Variants in PZP observed in about 807,000 individuals in gnomAD.
PZP encodes the protein PZP alpha-2-macroglobulin like.
In PZP, 150 loss-of-function variants were observed where a neutral mutation model predicts 179.8. That is an observed-to-expected ratio of 0.83 (90% CI 0.73 to 0.96). PZP has a LOEUF of 0.96. Ranked by LOEUF, PZP falls within the 40% of genes least tolerant of loss-of-function variation. PZP has a pLI of 0.00. For missense variants in PZP, 1,689 were observed against 1,764.0 expected (o/e 0.96, Z 0.76); for synonymous variants, 624 against 652.3 (o/e 0.96, Z 0.66).
chr12:9,166,146 T>A lies in PZP; in HGVS notation c.2164A>T (p.Ile722Leu). The change falls in exon 18 of 36, where the codon ATA becomes TTA. Residue 722 changes from isoleucine to leucine, a missense_variant. Physicochemically the swap from Ile to Leu is conservative, Grantham distance 5 (BLOSUM62 2). This residue lies in a region of PZP where 201 missense variants were observed against 284.2 expected (regional missense o/e 0.71). Transcript: ENST00000261336. The stretch of plus-strand genomic sequence containing the variant: ...GAACTTTGTTCATTATTTAAGGGTA[T>A]CACATTATATGTGCCTAATTGAGGA... ...YVPQLGTYNV[I>L]PLNNEQSSGP... The A allele has an allele frequency of 6.2e-7, 1 of 1,614,008 alleles. No homozygotes were observed. Among genetic ancestry groups the A allele is most frequent in the Non-Finnish European group, 8.5e-7 (1 of 1,179,950 alleles).
chr12:9,171,718 G>C (rs1942015067), intron 15 of PZP, among the ~76,000 whole-genome samples: 1 of 152,166 alleles, frequency 6.6e-6, no homozygotes, highest in Non-Finnish European at 1.5e-5. Flanking sequence ...TAGCAGGATA[G>C]ACCAAGAGGA....
chr12:9,178,055 G>A (rs765561542), intron 15 of PZP, among the ~76,000 whole-genome samples: 4 of 152,280 alleles, frequency 2.6e-5, no homozygotes, highest in Non-Finnish European at 4.4e-5. Context: ...ATTACGCTAT[G>A]AGGAGATATT....
At chr12:9,177,001 T>A (rs1324749399) in intron 15 of PZP, among the ~76,000 whole-genome samples, 1 of 152,182 alleles carries the variant, frequency 6.6e-6, no homozygotes, top group Non-Finnish European at 1.5e-5. Context: ...ATCGAGTATA[T>A]TTTACATGTG....
intron 1 of PZP, among the ~76,000 whole-genome samples, chr12:9,207,163 G>A (rs745609897): frequency 2.0e-5 from 3 of 152,278 alleles, no homozygotes; most frequent in Admixed American, 6.5e-5. Context: ...ATGGATAAGG[G>A]TAACACACAG....
At chr12:9,195,195 G>A (rs1336007129) in intron 10 of PZP, among the ~76,000 whole-genome samples, 1 of 151,886 alleles carries the variant, frequency 6.6e-6, no homozygotes, top group Non-Finnish European at 1.5e-5. Flanking sequence ...ATAATCACAT[G>A]TACTCCCCAA....
Position 9,203,910 on chromosome 12 carries a change from G to T in PZP, c.125C>A (p.Ala42Asp), listed in dbSNP as rs199980648. Residue 42 changes from alanine (A) to aspartate (D), a missense_variant, in exon 2 of 36, where the codon GCC becomes GAC. By Grantham distance (126) the Ala-to-Asp change is moderately radical. Around this residue, in one of 3 missense-constraint regions of PZP, gnomAD observed 742 missense variants for 730.5 expected, o/e 1.02. Coordinates refer to ENST00000261336, the MANE Select transcript of PZP (RefSeq NM_002864.3). ...CAGAAGGACACAGCCCTTCTTAGGG[G>T]CCTCAGTGTGGAGCAGGGAGGGGAC... is the stretch of plus-strand genomic sequence containing the variant. ...VLVPSLLHTE[A>D]PKKGCVLLSH... 4.3e-6 allele frequency: 7 copies of T among 1,614,072 alleles called. No individual in the cohort carries two copies. The African/African-American group carries it at 6.7e-5, about 15-fold the overall frequency.
chr12:9,144,564 A>C (rs1054488770), downstream of PZP, among the ~76,000 whole-genome samples: 28 of 152,230 alleles, frequency 1.8e-4, no homozygotes, highest in Admixed American at 1.6e-3. Context: ...GTGGCTCAAC[A>C]GTCAAAGACA....
chr12:9,194,239 C>G lies in PZP; in HGVS notation c.1093-1G>C. ...CACCTTTTCCATCCACCAGAAGCAC[C>G]TAAAGAAGAAAAGTACTTGATAGTT... On this transcript the variant is annotated splice_acceptor_variant, in intron 10 of 35. Coordinates refer to ENST00000261336, the MANE Select transcript of PZP (RefSeq NM_002864.3). LOFTEE classifies it high-confidence loss of function. The G allele has an allele frequency of 6.2e-7, 1 of 1,613,376 alleles. No homozygotes were observed. Among genetic ancestry groups the G allele is most frequent in the Non-Finnish European group, 8.5e-7 (1 of 1,179,608 alleles).
intron 17 of PZP, among the ~76,000 whole-genome samples, chr12:9,167,751 G>T (rs1460304077): frequency 6.6e-6 from 1 of 151,986 alleles, no homozygotes; most frequent in Admixed American, 6.5e-5. Context: ...TTTCCTGAGT[G>T]TTATTATATG....
In PZP at chr12:9,157,262, A is replaced by G; in HGVS notation, c.3463T>C (p.Leu1155=). The G allele has an allele frequency of 3.1e-6, 5 of 1,614,164 alleles. No homozygotes were observed. Among genetic ancestry groups the G allele is most frequent in the Non-Finnish European group, 4.2e-6 (5 of 1,180,014 alleles). The change falls in exon 28 of 36, where the codon TTG becomes CTG. Residue 1155 remains leucine, a synonymous_variant. Transcript: ENST00000261336. ...THGSHVYTKA[L]LAYAFSLLGK... ...AGTAGGGAAAAAGCATAGGCCAGCAATGCCTTGGTGTAGACATGGCTCCCA... is the reference window on the plus strand; with the variant it reads ...AGTAGGGAAAAAGCATAGGCCAGCAGTGCCTTGGTGTAGACATGGCTCCCA...
At chr12:9,149,229 A>AT (rs1357606027) in intron 35 of PZP, among the ~76,000 whole-genome samples, 1 of 152,252 alleles carries the variant, frequency 6.6e-6, no homozygotes, top group African/African-American at 2.4e-5. Flanking sequence ...CATTTACAAA[A>AT]TTAAGTGTAA....
chr12:9,207,406 C>T (rs751951519), intron 1 of PZP, among the ~76,000 whole-genome samples: 55 of 152,306 alleles, frequency 3.6e-4, no homozygotes, highest in African/African-American at 1.3e-3. Context: ...GGCCAGGGAC[C>T]TTAAATGGCC....
rs141699672 is a variant in PZP at position 9,165,293 on chromosome 12, A to G, written c.2333T>C (p.Leu778Pro). 2.9e-4 allele frequency: 468 copies of G among 1,614,172 alleles called. No individual in the cohort carries two copies. Among genetic ancestry groups the G allele is most frequent in the Middle Eastern group, 2.6e-3 (16 of 6,058 alleles). The change falls in exon 19 of 36, where the codon CTG becomes CCG. Residue 778 changes from leucine (L) to proline (P), a missense_variant. By Grantham distance (98) the Leu-to-Pro change is moderately conservative (BLOSUM62 -3). Around this residue, in one of 3 missense-constraint regions of PZP, gnomAD observed 201 missense variants for 284.2 expected, o/e 0.71. Transcript: ENST00000261336. ...GATACCAAGTCCAGCATCTTCGGACAGGCAGAAGGCCCCTGCCTTCCACTC... is the reference window on the plus strand; with the variant it reads ...GATACCAAGTCCAGCATCTTCGGACGGGCAGAAGGCCCCTGCCTTCCACTC... ...ITEWKAGAFCLSEDAGLGISS... is the reference protein window; with the variant it reads ...ITEWKAGAFCPSEDAGLGISS...
At chr12:9,146,563 T>G (rs912935743), downstream of PZP, among the ~76,000 whole-genome samples, 1 of 152,196 alleles carries the variant, frequency 6.6e-6, no homozygotes, top group Non-Finnish European at 1.5e-5. Context: ...AATTCTTCAT[T>G]TTCTTTGACT....
rs1565618881 is a variant in PZP, at chr12:9,149,014, G to GT, written c.4427-21dup. The GT allele has an allele frequency of 1.9e-6, 3 of 1,606,962 alleles. No homozygotes were observed. Among genetic ancestry groups the GT allele is most frequent in the Non-Finnish European group, 2.6e-6 (3 of 1,173,756 alleles). On this transcript the variant is annotated intron_variant, in intron 35 of 35. Transcript: ENST00000261336. Reference sequence around the variant, plus strand: ...CTGTATCTATGGAGAAAAGAAAAACGTAAGGAGGTTGTATCATTTCCTGAG... The same window carrying GT: ...CTGTATCTATGGAGAAAAGAAAAACGTTAAGGAGGTTGTATCATTTCCTGAG...
chr12:9,168,813 G>A lies in PZP; in HGVS notation c.2107+56C>T, dbSNP rs1007808663. The A allele has an allele frequency of 4.5e-5, 59 of 1,303,090 alleles. No individual in the cohort carries two copies. The African/African-American group carries it at 8.1e-4, about 18-fold the overall frequency. 80.7% of individuals were successfully genotyped at this position (1,303,090 alleles called of 1,614,324 possible). On this transcript the variant is annotated intron_variant, in intron 17 of 35. Coordinates refer to ENST00000261336, the MANE Select transcript of PZP (RefSeq NM_002864.3). ...CTACATTACCTCATTTTAGCATTTT[G>A]GGCATAGTAATATTGTTGGACATGA... is the stretch of plus-strand genomic sequence containing the variant.
intron 14 of PZP, 142 bp from the exon 15 acceptor site, chr12:9,181,274 T>C: frequency 9.3e-7 from 1 of 1,072,802 alleles, no homozygotes; most frequent in East Asian, 2.7e-5. Context: ...TTTACAACTT[T>C]CCTTCACTTT....
intron 13 of PZP, among the ~76,000 whole-genome samples, chr12:9,187,696 A>T (rs1257158901): frequency 5.3e-5 from 8 of 152,350 alleles, no homozygotes; most frequent in South Asian, 4.1e-4. Context: ...TAAGAGGGAA[A>T]CTTATAGCAC....
chr12:9,164,149 C>T lies in PZP; in HGVS notation c.2598G>A (p.Val866=), dbSNP rs1941416211. ...GTCACTCACCCAGAGTTTTAGGAGT[C>T]ACTGTCCAAGACAAGGTTTGTCTCT... is the stretch of plus-strand genomic sequence containing the variant. The part of the protein sequence containing the change: ...GNERQTLSWT[V]TPKTLGNVNF... The change falls in exon 20 of 36, where the codon GTG becomes GTA. Residue 866 remains valine, a synonymous_variant. Coordinates refer to ENST00000261336, the MANE Select transcript of PZP (RefSeq NM_002864.3). The T allele has an allele frequency of 6.2e-7, 1 of 1,611,646 alleles. No homozygotes were observed. Among genetic ancestry groups the T allele is most frequent in the Non-Finnish European group, 8.5e-7 (1 of 1,177,852 alleles).
Sources: allele counts gnomAD v4.1 joint callset (sites outside exome capture counted in the v4.1 genomes callset), GRCh38; gene constraint gnomAD v4.1.1; regional missense constraint gnomAD v4.1.1; transcripts MANE v1.5; gene names NCBI Gene and HGNC (gene_info 2026-07-23, HGNC 2026-07-21).